Variants in PREX2 observed in about 807,000 individuals in gnomAD.
PREX2 encodes the protein phosphatidylinositol-3,4,5-trisphosphate dependent Rac exchange factor 2, also known as phosphatidylinositol 3,4,5-trisphosphate-dependent Rac exchanger 2 protein.
A neutral mutation model predicts 203.2 loss-of-function variants in PREX2; 107 were observed. That is an observed-to-expected ratio of 0.53 (90% CI 0.45 to 0.62). The LOEUF (loss-of-function observed/expected upper bound fraction) is 0.62. PREX2 is among the 20% of genes least tolerant of loss of function. The pLI is 0.00. For synonymous variants in PREX2, 672 were observed against 663.6 expected (o/e 1.01, Z -0.19); for missense variants, 1,777 against 1,955.9 (o/e 0.91, Z 1.72).
At chr8:68,030,171 C>A (rs1248199164) in intron 5 of PREX2, among the ~76,000 whole-genome samples, 2 of 152,078 alleles carry the variant, frequency 1.3e-5, no homozygotes, top group Non-Finnish European at 2.9e-5. Context: ...TAAAGATGTG[C>A]TTCTGTTAGA....
At position 68,231,377 on chromosome 8, in the gene PREX2, G is replaced by A; in HGVS notation, c.4820G>A (p.Ter1607=). ...CEPPPPAGEE[*] is the part of the protein sequence containing the mutation. Reference sequence around the variant, plus strand: ...CCACCTCCCCCAGCTGGAGAAGAATGAAAAGAACTCCCAAGAAACCAGGCA... The same window carrying A: ...CCACCTCCCCCAGCTGGAGAAGAATAAAAAGAACTCCCAAGAAACCAGGCA... The change falls in exon 40 of 40, where the codon TGA becomes TAA. Residue 1607 remains the stop codon, a stop_retained_variant. Coordinates refer to ENST00000288368, the MANE Select transcript of PREX2 (RefSeq NM_024870.4). The A allele has an allele frequency of 6.3e-7, 1 of 1,597,894 alleles. No homozygotes were observed. The highest frequency in any genetic ancestry group is 8.5e-7 in the Non-Finnish European group (1 of 1,173,054).
chr8:68,122,562 A>G (rs564080407), intron 30 of PREX2, among the ~76,000 whole-genome samples: 2 of 152,206 alleles, frequency 1.3e-5, no homozygotes, highest in South Asian at 2.1e-4. Flanking sequence ...ACTAGAAACT[A>G]TAATTCTGCA....
chr8:68,113,732 T>C (rs546384892), intron 25 of PREX2, among the ~76,000 whole-genome samples: 42 of 152,318 alleles, frequency 2.8e-4, no homozygotes, highest in African/African-American at 9.1e-4. Flanking sequence ...TTCCCTGCTT[T>C]CTTTTTCTCC....
intron 25 of PREX2, chr8:68,110,806 C>CG (rs1472964422): frequency 4.5e-6 from 1 of 222,754 alleles, no homozygotes; most frequent in African/African-American, 2.4e-5. Flanking sequence ...AAAAATTATC[C>CG]TCAATATTTA....
intron 35 of PREX2, among the ~76,000 whole-genome samples, chr8:68,170,397 G>A (rs72662919): frequency 0.11 from 17,368 of 152,188 alleles, 1,091 homozygotes; most frequent in African/African-American, 0.17. Context: ...TAGTGAAGCC[G>A]GCCAAGGCCA....
Position 68,233,659 on chromosome 8 carries a change from T to C in PREX2, c.*2281T>C, listed in dbSNP as rs1335868975. The C allele has an allele frequency of 1.3e-5, 2 of 152,206 alleles. No individual in the cohort carries two copies. Among genetic ancestry groups the C allele is most frequent in the Non-Finnish European group, 2.9e-5 (2 of 68,040 alleles). 9.4% of individuals were successfully genotyped at this position (152,206 alleles called of 1,614,324 possible). A position where few individuals can be genotyped will look rare whatever the true frequency, so the allele number is the denominator to read the frequency against. On this transcript the variant is annotated 3_prime_UTR_variant, in exon 40 of 40. Coordinates refer to ENST00000288368, the MANE Select transcript of PREX2 (RefSeq NM_024870.4). ...AAATGCTTTGCCTGTATTCTGTTGT[T>C]ATTGCTTCACTTAATCCTCATAATA...
chr8:68,029,902 T>C (rs1807831441), intron 5 of PREX2, among the ~76,000 whole-genome samples: 1 of 152,126 alleles, frequency 6.6e-6, no homozygotes, highest in African/African-American at 2.4e-5. Context: ...TATATGGCAG[T>C]TCATTTGTCA....
intron 4 of PREX2, 67 bp from the exon 5 acceptor site, chr8:68,027,155 G>A: frequency 8.6e-7 from 1 of 1,159,924 alleles, no homozygotes; most frequent in African/African-American, 1.5e-5. Flanking sequence ...AGCATTTTAT[G>A]GTGGAAGAAA....
In PREX2 at chr8:68,072,538, G is replaced by A. The variant is rs1323273757; in HGVS notation, c.1537G>A (p.Ala513Thr). 1 of 1,595,128 alleles carries A rather than the reference G, an allele frequency of 6.3e-7. No individual in the cohort carries two copies. The highest frequency in any genetic ancestry group is 8.6e-7 in the Non-Finnish European group (1 of 1,163,754). ...HLRTYKSVVM[A>T]NKLIDWLIAQ... ...AAGGACCTACAAATCTGTGGTCATG[G>A]CCAACAAACTGATAGACTGGTTAAT... Residue 513 changes from alanine to threonine, a missense_variant, in exon 14 of 40, where the codon GCC (alanine) becomes ACC (threonine). By Grantham distance (58) the Ala-to-Thr change is moderately conservative (BLOSUM62 0). Transcript: ENST00000288368.
At chr8:68,205,384 GT>G (rs1812601191) in intron 37 of PREX2, among the ~76,000 whole-genome samples, 1 of 152,146 alleles carries the variant, frequency 6.6e-6, no homozygotes, top group Non-Finnish European at 1.5e-5. Flanking sequence ...AAGTGTTTGG[GT>G]TTTTCACATT....
chr8:68,183,515 A>G (rs1812129510), intron 35 of PREX2, among the ~76,000 whole-genome samples: 1 of 152,172 alleles, frequency 6.6e-6, no homozygotes, highest in South Asian at 2.1e-4. Flanking sequence ...TAATGGCAGG[A>G]CATTGTGTTG....
intron 5 of PREX2, among the ~76,000 whole-genome samples, chr8:68,028,729 T>C (rs183359855): frequency 1.3e-5 from 2 of 152,026 alleles, no homozygotes; most frequent in East Asian, 3.9e-4. Flanking sequence ...TGTGTACTCA[T>C]AACTGCAGTT....
At chr8:68,185,330 C>T (rs566249890) in intron 35 of PREX2, among the ~76,000 whole-genome samples, 71 of 152,294 alleles carry the variant, frequency 4.7e-4, no homozygotes, top group African/African-American at 1.4e-3. Context: ...CCTTCTCTCT[C>T]TCTCTACCTT....
At chr8:68,022,211 A>G (rs1807589978) in intron 4 of PREX2, 71 bp downstream of exon 4, 2 of 778,640 alleles carry the variant, frequency 2.6e-6, no homozygotes, top group Non-Finnish European at 4.6e-6. Flanking sequence ...AAGGAATAGC[A>G]TCAATATGGA....
rs775716228 is a variant in PREX2, at chr8:68,108,249, C to T, written c.2856C>T (p.Thr952=). 9.3e-6 allele frequency: 15 copies of T among 1,613,926 alleles called. No homozygotes were observed. The highest frequency in any genetic ancestry group is 1.3e-5 in the Non-Finnish European group (15 of 1,179,830). Residue 952 remains threonine (T), a synonymous_variant, in exon 24 of 40, where the codon ACC becomes ACT. Transcript: ENST00000288368. ...VMEVSYPKTS[T]SLGSAFGVQL... ...AAGTTTCTTATCCCAAAACATCAAC[C>T]TCTTTGGGAAGTGCATTTGGTGTTC... is the stretch of plus-strand genomic sequence containing the variant.
chr8:68,164,331 A>T (rs1811711490), intron 35 of PREX2, among the ~76,000 whole-genome samples: 1 of 151,040 alleles, frequency 6.6e-6, no homozygotes, highest in Non-Finnish European at 1.5e-5. Flanking sequence ...GAGAAAAAGC[A>T]GAAAGGCCTT....
chr8:68,194,366 G>C (rs1447181692), intron 37 of PREX2, among the ~76,000 whole-genome samples: 4 of 152,082 alleles, frequency 2.6e-5, no homozygotes, highest in African/African-American at 9.7e-5. Context: ...AGAATTCAAA[G>C]GAATAAAGGA....
In PREX2 at chr8:68,231,549, A is replaced by G; in HGVS notation, c.*171A>G. 2.3e-6 allele frequency: 1 copy of G among 441,428 alleles called. No homozygotes were observed. Among genetic ancestry groups the G allele is most frequent in the Non-Finnish European group, 3.8e-6 (1 of 261,094 alleles). 27.3% of individuals were successfully genotyped at this position (441,428 alleles called of 1,614,324 possible). A position where few individuals can be genotyped will look rare whatever the true frequency, so the allele number is the denominator to read the frequency against. ...AGTAGTGATCAGTTTATACTTTGAT[A>G]TTTATGCTGGAAATGGATAGAAGTT... is the stretch of plus-strand genomic sequence containing the variant. On this transcript the variant is annotated 3_prime_UTR_variant, in exon 40 of 40. Transcript: ENST00000288368.
chr8:68,233,980 A>T lies in PREX2; in HGVS notation c.*2602A>T, dbSNP rs1813218631. Reference sequence around the variant, plus strand: ...ATGGAAATATGTAAATGCTTTAATTATATGAAAATTATAGTGTTTCCTGGA... The same window carrying T: ...ATGGAAATATGTAAATGCTTTAATTTTATGAAAATTATAGTGTTTCCTGGA... On this transcript the variant is annotated 3_prime_UTR_variant, in exon 40 of 40. Coordinates refer to ENST00000288368, the MANE Select transcript of PREX2 (RefSeq NM_024870.4). 1 of 152,246 alleles carries T rather than the reference A, an allele frequency of 6.6e-6. No homozygotes were observed. The highest frequency in any genetic ancestry group is 1.5e-5 in the Non-Finnish European group (1 of 68,050). 9.4% of individuals were successfully genotyped at this position (152,246 alleles called of 1,614,324 possible). A position where few individuals can be genotyped will look rare whatever the true frequency, so the allele number is the denominator to read the frequency against.
Sources: gnomAD v4.1 joint callset for allele counts (sites outside exome capture counted in the v4.1 genomes callset) on GRCh38, gnomAD v4.1.1 for gene constraint, MANE v1.5 for transcripts, NCBI Gene and HGNC (gene_info 2026-07-23, HGNC 2026-07-21) for gene names.